SNRNP35: variants seen among roughly 807,000 people sequenced by gnomAD.
SNRNP35 encodes the protein small nuclear ribonucleoprotein U11/U12 subunit 35.
In SNRNP35, 16 loss-of-function variants were observed where a neutral mutation model predicts 24.3. The ratio of observed to expected loss-of-function variants is 0.66; its 90% CI spans 0.45 to 1.00. The LOEUF is 1.00. Ranked by LOEUF, SNRNP35 falls within the 50% of genes least tolerant of loss-of-function variation. The pLI is 0.00. For missense variants in SNRNP35, 292 were observed against 327.2 expected, an observed-to-expected ratio of 0.89 and a Z score of 0.83; for synonymous variants, 106 against 124.8, an observed-to-expected ratio of 0.85 and a Z score of 1.00.
intron 1 of SNRNP35, among the ~76,000 whole-genome samples, chr12:123,458,512 C>T (rs931620500): frequency 1.3e-4 from 20 of 151,850 alleles, no homozygotes; most frequent in Non-Finnish European, 2.1e-4. Flanking sequence ...TAGGTGTTTG[C>T]CTCCGAGGCC....
chr12:123,469,580 T>C (rs930635144), downstream of SNRNP35, among the ~76,000 whole-genome samples: 5 of 152,142 alleles, frequency 3.3e-5, no homozygotes, highest in Non-Finnish European at 7.4e-5. Flanking sequence ...CACTGCAGCC[T>C]TGAACTGGGC....
downstream of SNRNP35, chr12:123,471,837 CTTTG>C (rs1415067169): frequency 3.3e-5 from 5 of 152,622 alleles, no homozygotes; most frequent in South Asian, 2.1e-4. Flanking sequence ...TCCTTAGCAA[CTTTG>C]TTTGGTTAGT....
At chr12:123,467,500 C>G (rs1027295019), downstream of SNRNP35, among the ~76,000 whole-genome samples, 1 of 152,078 alleles carries the variant, frequency 6.6e-6, no homozygotes, top group Non-Finnish European at 1.5e-5. Flanking sequence ...CTGGGGTGCT[C>G]GAGAGCTAGA....
downstream of SNRNP35, among the ~76,000 whole-genome samples, chr12:123,468,736 A>G (rs989635735): frequency 6.6e-6 from 1 of 152,166 alleles, no homozygotes; most frequent in African/African-American, 2.4e-5. Flanking sequence ...AACCCTGTAC[A>G]TTTGGGCTTA....
At chr12:123,458,308 G>A in intron 1 of SNRNP35, 92 bp downstream of exon 1, 1 of 868,388 alleles carries the variant, frequency 1.2e-6, no homozygotes, top group Non-Finnish European at 1.4e-6. Context: ...CTTGTGTGGG[G>A]CGCCATGTTG....
intron 1 of SNRNP35, among the ~76,000 whole-genome samples, chr12:123,461,406 A>C (rs993881119): frequency 6.6e-6 from 1 of 150,498 alleles, no homozygotes; most frequent in Non-Finnish European, 1.5e-5. Flanking sequence ...GATTACAGGC[A>C]TGAGCCACCG....
downstream of SNRNP35, among the ~76,000 whole-genome samples, chr12:123,468,835 A>G (rs1371296002): frequency 1.3e-5 from 2 of 152,218 alleles, no homozygotes; most frequent in African/African-American, 4.8e-5. Flanking sequence ...AACATGACAG[A>G]AGCAAATACT....
At chr12:123,472,626 T>C (rs775773871) in exon 2 of SNRNP35, 4 of 1,591,790 alleles carry the variant, frequency 2.5e-6, no homozygotes, top group Non-Finnish European at 3.4e-6. Flanking sequence ...CTCCTGGATG[T>C]GCACGTTTCT....
At chr12:123,462,155 A>G (rs972229603) in intron 1 of SNRNP35, among the ~76,000 whole-genome samples, 12 of 152,180 alleles carry the variant, frequency 7.9e-5, no homozygotes, top group African/African-American at 1.9e-4. Context: ...AGAAGTTTCA[A>G]TGAGCTGTGA....
downstream of SNRNP35, among the ~76,000 whole-genome samples, chr12:123,467,635 G>C (rs76120621): frequency 6.6e-6 from 1 of 152,294 alleles, no homozygotes; most frequent in African/African-American, 2.4e-5. Context: ...GAAAATTCAA[G>C]ATGTTTCATG....
At chr12:123,458,453 C>T (rs1299305913) in intron 1 of SNRNP35, among the ~76,000 whole-genome samples, 3 of 151,904 alleles carry the variant, frequency 2.0e-5, no homozygotes, top group Non-Finnish European at 2.9e-5. Context: ...CGAGGGTTGG[C>T]GGCCAGGCTG....
At chr12:123,469,728 C>G (rs1881101936), downstream of SNRNP35, among the ~76,000 whole-genome samples, 1 of 151,964 alleles carries the variant, frequency 6.6e-6, no homozygotes, top group Non-Finnish European at 1.5e-5. Flanking sequence ...GTCTTAAACT[C>G]CTGGGCTCAA....
chr12:123,462,422 C>G, intron 1 of SNRNP35, among the ~76,000 whole-genome samples: 1 of 151,732 alleles, frequency 6.6e-6, no homozygotes, highest in East Asian at 1.9e-4. Flanking sequence ...AGGCTTTGTT[C>G]CTGTTGAAAG....
intron 1 of SNRNP35, among the ~76,000 whole-genome samples, chr12:123,462,571 T>G (rs189869872): frequency 1.9e-4 from 28 of 150,988 alleles, no homozygotes; most frequent in Admixed American, 1.3e-3. Context: ...CAGTGGCATG[T>G]TCTCGGCTCA....
Position 123,465,781 on chromosome 12 carries a change from C to T in SNRNP35, c.241C>T (p.Arg81Trp), listed in dbSNP as rs776789539. Reference protein sequence around the residue: ...FSRYGDIRRLRLVRDLVTGFS... With the variant: ...FSRYGDIRRLWLVRDLVTGFS... The stretch of plus-strand genomic sequence containing the variant: ...CCGCTATGGTGACATCCGGCGGCTT[C>T]GGCTGGTCAGGGACTTGGTCACAGG... Residue 81 changes from arginine to tryptophan, a missense_variant, in exon 2 of 2, where the codon CGG becomes TGG. Physicochemically the swap from Arg to Trp is moderately radical, Grantham distance 101. Transcript: ENST00000526639. This position sits in a 1 kb window ranked among gnomAD's most constrained non-coding sequence, Gnocchi z 4.2. 3.7e-6 allele frequency: 6 copies of T among 1,614,082 alleles called. No individual in the cohort carries two copies. The highest frequency in any genetic ancestry group is 5.1e-6 in the Non-Finnish European group (6 of 1,180,026).
Position 123,466,314 on chromosome 12 carries a change from C to T in SNRNP35, c.*33C>T. On this transcript the variant is annotated 3_prime_UTR_variant, in exon 2 of 2. Transcript: ENST00000526639. ...ACAGCAGAACCCCAAAGTGAAGTTA[C>T]AGTGGAAATGAGTGGAGGGGGATTG... 1 of 1,504,596 alleles carries T rather than the reference C, an allele frequency of 6.6e-7. No individual in the cohort carries two copies. The highest frequency in any genetic ancestry group is 1.4e-5 in the South Asian group (1 of 71,350). 93.2% of individuals were successfully genotyped at this position (1,504,596 alleles called of 1,614,324 possible).
At chr12:123,464,148 G>GTC (rs1254277294) in intron 1 of SNRNP35, among the ~76,000 whole-genome samples, 1 of 151,190 alleles carries the variant, frequency 6.6e-6, no homozygotes, top group Non-Finnish European at 1.5e-5. Context: ...GGTCAGGCTG[G>GTC]TCTCGAACTC....
At chr12:123,462,919 A>G (rs1206388879) in intron 1 of SNRNP35, among the ~76,000 whole-genome samples, 2 of 152,200 alleles carry the variant, frequency 1.3e-5, no homozygotes, top group South Asian at 2.1e-4. Context: ...TAACCCATCA[A>G]CTGAGGGAGA....
At chr12:123,468,373 AAAG>A (rs1228764553), downstream of SNRNP35, among the ~76,000 whole-genome samples, 24 of 146,106 alleles carry the variant, frequency 1.6e-4, no homozygotes, top group Non-Finnish European at 2.6e-4. Context: ...AAAAAAAAAA[AAAG>A]AAAAGAAAAA....
Sources: gnomAD v4.1 joint callset for allele counts (sites outside exome capture counted in the v4.1 genomes callset) on GRCh38, gnomAD v4.1.1 for gene constraint, Gnocchi (gnomAD v3.1) non-coding constraint, MANE v1.5 for transcripts, NCBI Gene and HGNC (gene_info 2026-07-23, HGNC 2026-07-21) for gene names.